CCDC85A: variants seen among roughly 807,000 people sequenced by gnomAD.
CCDC85A encodes the protein coiled-coil domain containing 85A, also known as coiled-coil domain-containing protein 85A.
A neutral mutation model predicts 50.2 loss-of-function variants in CCDC85A; 38 were observed. The ratio of observed to expected loss-of-function variants is 0.76; its 90% CI spans 0.58 to 0.99. The LOEUF (loss-of-function observed/expected upper bound fraction) is 0.99, where lower values mean the gene tolerates loss of function less well. CCDC85A is among the 50% of genes least tolerant of loss of function. The pLI is 0.00. For missense variants in CCDC85A, 820 were observed against 742.0 expected (o/e 1.11, Z -1.22); for synonymous variants, 366 against 301.4 (o/e 1.21, Z -2.22).
chr2:56,255,153 T>C (rs537102084), intron 2 of CCDC85A, among the ~76,000 whole-genome samples: 5 of 152,278 alleles, frequency 3.3e-5, no homozygotes, highest in African/African-American at 1.2e-4. Context: ...CTGCCCATGG[T>C]CCATTGGCCA....
At chr2:56,213,237 AAG>A (rs1233675739) in intron 2 of CCDC85A, among the ~76,000 whole-genome samples, 2 of 151,984 alleles carry the variant, frequency 1.3e-5, no homozygotes, top group Admixed American at 6.6e-5. Context: ...TTATTTATAA[AAG>A]AAGAAATATG....
chr2:56,297,397 T>C (rs1331330382), intron 2 of CCDC85A, among the ~76,000 whole-genome samples: 1 of 151,864 alleles, frequency 6.6e-6, no homozygotes, highest in African/African-American at 2.4e-5. Context: ...ACGAGCCTTT[T>C]TTTTTTTTTT....
At chr2:56,340,947 A>G (rs1194291404) in intron 2 of CCDC85A, among the ~76,000 whole-genome samples, 1 of 150,668 alleles carries the variant, frequency 6.6e-6, no homozygotes, top group African/African-American at 2.4e-5. Flanking sequence ...GAAGAGAGTC[A>G]GGGTCAGGTG....
At chr2:56,319,121 T>C (rs1673049402) in intron 2 of CCDC85A, among the ~76,000 whole-genome samples, 1 of 152,100 alleles carries the variant, frequency 6.6e-6, no homozygotes, top group Non-Finnish European at 1.5e-5. Flanking sequence ...AGCACTAGAA[T>C]GGAAGCAGGT....
chr2:56,324,887 C>A (rs1274439023), intron 2 of CCDC85A, among the ~76,000 whole-genome samples: 1 of 152,034 alleles, frequency 6.6e-6, no homozygotes, highest in Non-Finnish European at 1.5e-5. Context: ...GTTCCTTCCC[C>A]ATGGGACATG....
intron 5 of CCDC85A, among the ~76,000 whole-genome samples, chr2:56,376,447 G>A (rs1022936286): frequency 7.2e-5 from 11 of 152,022 alleles, no homozygotes; most frequent in Admixed American, 2.0e-4. Context: ...TTAATGCCCC[G>A]TTATAGAATA....
At position 56,326,836 on chromosome 2, in the gene CCDC85A, G is replaced by GT. The variant is rs1237145984; in HGVS notation, c.1241-16042dup. 6.1e-5 allele frequency among the ~76,000 whole-genome samples: 9 copies of GT among 147,016 alleles called. No homozygotes were observed. In the East Asian group the frequency reaches 1.8e-3, roughly 30 times the overall value. On this transcript the variant is annotated intron_variant, in intron 2 of 5. Transcript: ENST00000407595. ...TCCTTTACACTAGGATTAAGGTGAA[G>GT]TATTTTTTTTTTTCTTAATCAGGTA... is the stretch of plus-strand genomic sequence containing the variant.
At chr2:56,276,497 C>G (rs1670950799) in intron 2 of CCDC85A, among the ~76,000 whole-genome samples, 1 of 152,088 alleles carries the variant, frequency 6.6e-6, no homozygotes, top group Admixed American at 6.5e-5. Context: ...CTGTGCTAAT[C>G]TCATGGTAGT....
At chr2:56,319,750 C>T (rs938177283) in intron 2 of CCDC85A, among the ~76,000 whole-genome samples, 1 of 152,030 alleles carries the variant, frequency 6.6e-6, no homozygotes, top group Non-Finnish European at 1.5e-5. Context: ...GCTTCACAGA[C>T]CAGGACCCTG....
intron 2 of CCDC85A, among the ~76,000 whole-genome samples, chr2:56,285,190 G>A (rs935289489): frequency 2.7e-5 from 4 of 150,062 alleles, no homozygotes; most frequent in African/African-American, 7.4e-5. Context: ...CAGTCTCCAC[G>A]TCCCAGGTTC....
Position 56,191,752 on chromosome 2 carries a change from G to A in CCDC85A, c.277-725G>A, listed in dbSNP as rs72917038. On this transcript the variant is annotated intron_variant, in intron 1 of 5. Coordinates refer to ENST00000407595, the MANE Select transcript of CCDC85A (RefSeq NM_001080433.2). The stretch of plus-strand genomic sequence containing the variant: ...GATAAGTGAGAGATGCCTGGGAGAT[G>A]TTCAGGTGGGTGTGGCAAGTAGGGG... 3.1e-3 allele frequency among the ~76,000 whole-genome samples: 474 copies of A among 152,362 alleles called. 2 individuals are homozygous for A. Among genetic ancestry groups the A allele is most frequent in the African/African-American group, 0.011 (453 of 41,574 alleles).
chr2:56,318,553 C>G (rs1673021128), intron 2 of CCDC85A, among the ~76,000 whole-genome samples: 1 of 151,780 alleles, frequency 6.6e-6, no homozygotes, highest in Admixed American at 6.6e-5. Context: ...TTTATTTATT[C>G]TTCATTATAT....
intron 3 of CCDC85A, among the ~76,000 whole-genome samples, chr2:56,360,335 C>G (rs184268569): frequency 1.3e-5 from 2 of 152,078 alleles, no homozygotes; most frequent in Non-Finnish European, 2.9e-5. Context: ...TCCATTTTAG[C>G]GTTGAGGACA....
intron 2 of CCDC85A, among the ~76,000 whole-genome samples, chr2:56,321,295 A>G (rs1673172212): frequency 6.6e-6 from 1 of 152,202 alleles, no homozygotes; most frequent in African/African-American, 2.4e-5. Flanking sequence ...GGTCAGGGCA[A>G]TCAGGCAGGA....
intron 3 of CCDC85A, among the ~76,000 whole-genome samples, chr2:56,365,883 T>C (rs1176262898): frequency 6.6e-6 from 1 of 152,172 alleles, no homozygotes. Flanking sequence ...ACTGAAATTT[T>C]GTATCCTTTG....
intron 2 of CCDC85A, among the ~76,000 whole-genome samples, chr2:56,230,000 G>A (rs944522953): frequency 6.6e-6 from 1 of 152,202 alleles, no homozygotes; most frequent in African/African-American, 2.4e-5. Context: ...TAGTGAGGTT[G>A]ATGCAAATAT....
At chr2:56,277,141 T>C (rs1196133199) in intron 2 of CCDC85A, among the ~76,000 whole-genome samples, 1 of 152,296 alleles carries the variant, frequency 6.6e-6, no homozygotes, top group Non-Finnish European at 1.5e-5. Context: ...GCAGCTTAAA[T>C]GAGGAAGCTG....
intron 3 of CCDC85A, among the ~76,000 whole-genome samples, chr2:56,365,486 C>T (rs1206733656): frequency 2.0e-5 from 3 of 152,074 alleles, no homozygotes; most frequent in East Asian, 3.9e-4. Context: ...TCCCTAGGAT[C>T]ATCTGGATCT....
chr2:56,197,376 G>A (rs529559142), intron 2 of CCDC85A, among the ~76,000 whole-genome samples: 1 of 152,248 alleles, frequency 6.6e-6, no homozygotes, highest in East Asian at 1.9e-4. Context: ...CCAGGGTTGC[G>A]GGGGGTTGTA....
Sources: allele counts gnomAD v4.1 joint callset (sites outside exome capture counted in the v4.1 genomes callset), GRCh38; gene constraint gnomAD v4.1.1; transcripts MANE v1.5; gene names NCBI Gene and HGNC (gene_info 2026-07-23, HGNC 2026-07-21).